The following ABHD6 variants were observed in gnomAD, a reference collection of about 807,000 sequenced individuals.
ABHD6 encodes the protein abhydrolase domain containing 6, acylglycerol lipase, also known as monoacylglycerol lipase ABHD6.
Under a neutral mutation model 38.8 loss-of-function variants are expected in ABHD6, and 33 were observed. The observed-to-expected ratio is 0.85, with a 90% CI of 0.64 to 1.14. The LOEUF (loss-of-function observed/expected upper bound fraction) is 1.14. Ranked by LOEUF, ABHD6 falls within the 50% of genes most tolerant of loss-of-function variation. The pLI is 0.00. For missense variants in ABHD6, 380 were observed against 422.6 expected (o/e 0.90, Z 0.88); for synonymous variants, 147 against 161.6 (o/e 0.91, Z 0.69).
In ABHD6 at chr3:58,267,321, G is replaced by T. The variant is rs751932948; in HGVS notation, c.252G>T (p.Lys84Asn). 1 of 1,614,088 alleles carries T rather than the reference G, an allele frequency of 6.2e-7. No individual in the cohort carries two copies. The highest frequency in any genetic ancestry group is 1.1e-5 in the South Asian group (1 of 91,082). Residue 84 changes from lysine to asparagine, a missense_variant, in exon 4 of 10, where the codon AAG becomes AAT. Lys to Asn is a moderately conservative substitution (Grantham distance 94). Coordinates refer to ENST00000478253, the MANE Select transcript of ABHD6 (RefSeq NM_001320126.2). The surrounding 1 kb of genome is among the most constrained non-coding windows in gnomAD (Gnocchi z 4.3). ...TGCTCCACGGATTCTCTGCCCACAA[G>T]GATATGTGGCTCAGTGTGGTCAAGG... ...ILMLHGFSAH[K>N]DMWLSVVKFL...
intron 7 of ABHD6, 120 bp from the exon 8 acceptor site, chr3:58,284,965 A>G (rs1169160202): frequency 1.7e-5 from 15 of 878,786 alleles, no homozygotes; most frequent in African/African-American, 6.6e-5. Flanking sequence ...ACCAGGCTCT[A>G]AAGACCTTGA....
At chr3:58,243,687 G>T (rs1456072330) in intron 1 of ABHD6, among the ~76,000 whole-genome samples, 2 of 151,460 alleles carry the variant, frequency 1.3e-5, no homozygotes, top group African/African-American at 4.9e-5. Flanking sequence ...TTGAGACAGA[G>T]TCTCACTCTG....
rs1041707412 is a variant in ABHD6, at chr3:58,251,690, A to G, written c.-26+1748A>G. 6.6e-6 allele frequency among the ~76,000 whole-genome samples: 1 copy of G among 152,166 alleles called. No homozygotes were observed. Among genetic ancestry groups the G allele is most frequent in the Non-Finnish European group, 1.5e-5 (1 of 68,028 alleles). On this transcript the variant is annotated intron_variant, in intron 2 of 9. Transcript: ENST00000478253. This position sits in a 1 kb window ranked among gnomAD's most constrained non-coding sequence, Gnocchi z 5.4. ...GATCCTGAGCCTGGGATGTGAGAGT[A>G]TGTTTTCCCTGGTGCCAGCATGGCC...
Position 58,265,355 on chromosome 3 carries a change from A to G in ABHD6, c.120-1834A>G, listed in dbSNP as rs1375856171. Reference sequence around the variant, plus strand: ...TAGGGTTTTAGCATGGTTGAGATCAATTTGTAAGCTTTTTATTTATTAAGG... The same window carrying G: ...TAGGGTTTTAGCATGGTTGAGATCAGTTTGTAAGCTTTTTATTTATTAAGG... On this transcript the variant is annotated intron_variant, in intron 3 of 9. Transcript: ENST00000478253. The surrounding 1 kb of genome is among the most constrained non-coding windows in gnomAD (Gnocchi z 4.2). 6.6e-6 allele frequency among the ~76,000 whole-genome samples: 1 copy of G among 152,154 alleles called. No individual in the cohort carries two copies. Among genetic ancestry groups the G allele is most frequent in the Non-Finnish European group, 1.5e-5 (1 of 68,026 alleles).
intron 6 of ABHD6, among the ~76,000 whole-genome samples, chr3:58,274,139 C>T (rs1195752463): frequency 6.6e-6 from 1 of 152,116 alleles, no homozygotes; most frequent in Non-Finnish European, 1.5e-5. Flanking sequence ...TCCCAGTCCC[C>T]CTGTGTTTTA....
intron 5 of ABHD6, 55 bp from the exon 6 acceptor site, chr3:58,270,877 C>G: frequency 6.5e-7 from 1 of 1,532,672 alleles, no homozygotes. Flanking sequence ...CTGTAGTCAC[C>G]ATTGCCATTG....
intron 9 of ABHD6, among the ~76,000 whole-genome samples, chr3:58,289,868 A>ACCCCCCCTACCTCCCTCCCGGACGCTGAC (rs569585525): frequency 9.4e-6 from 1 of 106,138 alleles, no homozygotes; most frequent in African/African-American, 4.9e-5. Flanking sequence ...TAGGGGGCTG[A>ACCCCCCCTACCTCCCTCCCGGACGCTGAC]CCCCCCCACC....
At chr3:58,264,797 A>T (rs935742454) in intron 3 of ABHD6, among the ~76,000 whole-genome samples, 1 of 152,172 alleles carries the variant, frequency 6.6e-6, no homozygotes, top group Admixed American at 6.5e-5. Flanking sequence ...TAGTAGGTAT[A>T]TATGGGGTAC....
intron 1 of ABHD6, among the ~76,000 whole-genome samples, chr3:58,240,116 C>T (rs2097421752): frequency 6.6e-6 from 1 of 151,726 alleles, no homozygotes; most frequent in Admixed American, 6.6e-5. Flanking sequence ...TGCTCCACTG[C>T]ACTCCAGCCT....
chr3:58,290,481 A>C (rs1240046522), intron 9 of ABHD6, among the ~76,000 whole-genome samples: 9 of 78,842 alleles, frequency 1.1e-4, no homozygotes, highest in South Asian at 5.1e-4. Flanking sequence ...TGACCCCCCC[A>C]CCTCCCTCCC....
At chr3:58,243,220 C>A (rs2097424070) in intron 1 of ABHD6, among the ~76,000 whole-genome samples, 3 of 152,112 alleles carry the variant, frequency 2.0e-5, no homozygotes, top group African/African-American at 7.2e-5. Context: ...TATTTATAAT[C>A]CTTTGGGTGT....
Position 58,250,739 on chromosome 3 carries a change from C to T in ABHD6, c.-26+797C>T, listed in dbSNP as rs1575514978. ...TATTAGTTTTTAGGGGTGTAAGTCC[C>T]CTAAGGCTGTGCTGTCTAATATGGT... On this transcript the variant is annotated intron_variant, in intron 2 of 9. Coordinates refer to ENST00000478253, the MANE Select transcript of ABHD6 (RefSeq NM_001320126.2). Among the ~76,000 whole-genome samples the T allele has an allele frequency of 4.6e-5, 7 of 152,072 alleles. 1 individual carries two copies. The highest frequency in any genetic ancestry group is 4.6e-4 in the Admixed American group (7 of 15,256).
In ABHD6 at chr3:58,286,848, G is replaced by GTATATATATATATATATATATA. The variant is rs60071781; in HGVS notation, c.837+1396_837+1397insATATATATATATATATATATAT. Among the ~76,000 whole-genome samples, 114 of 70,000 alleles carry GTATATATATATATATATATATA rather than the reference G, an allele frequency of 1.6e-3. 4 individuals are homozygous for GTATATATATATATATATATATA. Among genetic ancestry groups the GTATATATATATATATATATATA allele is most frequent in the East Asian group, 0.011 (12 of 1,112 alleles). The allele number at this position is 70,000 out of a possible 152,430, so 45.9% of individuals were successfully genotyped here. ...TGTGTGTGTGTGTGTGTGTGTGTGT[G>GTATATATATATATATATATATA]TGTGTATATATATATATATATGTAT... On this transcript the variant is annotated intron_variant, in intron 9 of 9. Transcript: ENST00000478253.
At position 58,251,671 on chromosome 3, in the gene ABHD6, G is replaced by A. The variant is rs2107427147; in HGVS notation, c.-26+1729G>A. Among the ~76,000 whole-genome samples the A allele has an allele frequency of 6.6e-6, 1 of 152,296 alleles. No individual in the cohort carries two copies. Among genetic ancestry groups the A allele is most frequent in the Non-Finnish European group, 1.5e-5 (1 of 68,028 alleles). On this transcript the variant is annotated intron_variant, in intron 2 of 9. Transcript: ENST00000478253. The surrounding 1 kb of genome is among the most constrained non-coding windows in gnomAD (Gnocchi z 5.4). Reference sequence around the variant, plus strand: ...GTGTTGAGCAGTGGCAGAGGATCCTGAGCCTGGGATGTGAGAGTATGTTTT... The same window carrying A: ...GTGTTGAGCAGTGGCAGAGGATCCTAAGCCTGGGATGTGAGAGTATGTTTT...
At chr3:58,286,852 G>GTATATATATATATATATATATATATA (rs1235603195) in intron 9 of ABHD6, among the ~76,000 whole-genome samples, 11 of 70,624 alleles carry the variant, frequency 1.6e-4, no homozygotes, top group South Asian at 7.3e-4. Context: ...GTGTGTGTGT[G>GTATATATATATATATATATATATATA]TATATATATA....
intron 7 of ABHD6, among the ~76,000 whole-genome samples, chr3:58,281,314 C>T (rs1473951968): frequency 6.6e-6 from 1 of 152,214 alleles, no homozygotes; most frequent in East Asian, 1.9e-4. Flanking sequence ...AGACGCCCCT[C>T]CCCCAGCCAG....
intron 1 of ABHD6, among the ~76,000 whole-genome samples, chr3:58,240,321 C>A (rs1263607003): frequency 6.6e-6 from 1 of 151,804 alleles, no homozygotes; most frequent in Admixed American, 6.6e-5. Context: ...TCAAGTGATT[C>A]TCCCACCTCA....
In ABHD6 at chr3:58,293,495, C is replaced by T; in HGVS notation, c.838-94C>T. On this transcript the variant is annotated intron_variant, in intron 9 of 9. Transcript: ENST00000478253. The surrounding 1 kb of genome is among the most constrained non-coding windows in gnomAD (Gnocchi z 4.4). Reference sequence around the variant, plus strand: ...ATTCACATCCTCCTGCCCCACTGACCCCTGCCAGGCCTTGGTGGAAGTTCT... The same window carrying T: ...ATTCACATCCTCCTGCCCCACTGACTCCTGCCAGGCCTTGGTGGAAGTTCT... 1.4e-6 allele frequency: 2 copies of T among 1,388,280 alleles called. No homozygotes were observed. Among genetic ancestry groups the T allele is most frequent in the Non-Finnish European group, 2.0e-6 (2 of 1,017,614 alleles). 86.0% of individuals were successfully genotyped at this position (1,388,280 alleles called of 1,614,324 possible).
chr3:58,248,234 G>A (rs764513345), intron 1 of ABHD6, among the ~76,000 whole-genome samples: 4 of 152,092 alleles, frequency 2.6e-5, no homozygotes, highest in Non-Finnish European at 5.9e-5. Flanking sequence ...TGTATTTAGT[G>A]GCTATATATG....
Sources: gnomAD v4.1 joint callset for allele counts (sites outside exome capture counted in the v4.1 genomes callset) on GRCh38, gnomAD v4.1.1 for gene constraint, Gnocchi (gnomAD v3.1) non-coding constraint, MANE v1.5 for transcripts, NCBI Gene and HGNC (gene_info 2026-07-23, HGNC 2026-07-21) for gene names.